MAPK10: variants seen among roughly 807,000 people sequenced by gnomAD.
The protein encoded by MAPK10 is JNK3 alpha protein kinase.
MAPK10 carries 25 observed loss-of-function variants against 59.3 expected under a neutral mutation model. That is an observed-to-expected ratio of 0.42 (90% CI 0.31 to 0.59). The LOEUF is 0.59. Among genes scored for constraint, MAPK10 ranks in the 20% least tolerant of loss-of-function variants. The pLI is 0.15. For missense variants in MAPK10, 351 were observed against 568.9 expected, an observed-to-expected ratio of 0.62 and a Z score of 3.90; for synonymous variants, 190 against 200.5, an observed-to-expected ratio of 0.95 and a Z score of 0.44.
chr4:86,185,505 C>CA (rs767655948), intron 3 of MAPK10, among the ~76,000 whole-genome samples: 1 of 152,072 alleles, frequency 6.6e-6, no homozygotes, highest in Non-Finnish European at 1.5e-5. Context: ...GATAGGAAGA[C>CA]ATTGAAAGGT....
intron 2 of MAPK10, among the ~76,000 whole-genome samples, chr4:86,255,002 T>C (rs2093643029): frequency 6.6e-6 from 1 of 152,046 alleles, no homozygotes; most frequent in African/African-American, 2.4e-5. Context: ...ATCACCAAGG[T>C]AACTAATCTG....
At chr4:86,071,420 T>G (rs1292942876) in intron 9 of MAPK10, among the ~76,000 whole-genome samples, 12 of 127,908 alleles carry the variant, frequency 9.4e-5, no homozygotes, top group South Asian at 2.4e-4. Flanking sequence ...GTCAATTTTG[T>G]CTTTTGTTGC....
At chr4:86,235,793 G>A (rs1202842113) in intron 2 of MAPK10, among the ~76,000 whole-genome samples, 1 of 152,094 alleles carries the variant, frequency 6.6e-6, no homozygotes, top group African/African-American at 2.4e-5. Context: ...AGTGTGCTGA[G>A]GAGAAGCTTC....
intron 1 of MAPK10, among the ~76,000 whole-genome samples, chr4:86,528,528 A>G (rs1425424500): frequency 6.6e-6 from 1 of 152,196 alleles, no homozygotes; most frequent in African/African-American, 2.4e-5. Flanking sequence ...AACATACAAT[A>G]TTTTGAGGGG....
At chr4:86,273,605 T>C (rs1383303269) in intron 2 of MAPK10, among the ~76,000 whole-genome samples, 1 of 151,992 alleles carries the variant, frequency 6.6e-6, no homozygotes, top group Non-Finnish European at 1.5e-5. Flanking sequence ...GCTTTTTTAT[T>C]CCACTTCTCT....
intron 3 of MAPK10, 106 bp from the exon 4 acceptor site, chr4:86,159,573 T>C: frequency 1.2e-6 from 1 of 857,586 alleles, no homozygotes; most frequent in Non-Finnish European, 1.8e-6. Flanking sequence ...CTTAGCCATC[T>C]ATCATCTAGT....
At chr4:86,453,798 A>G (rs1750993987), upstream of MAPK10, among the ~76,000 whole-genome samples, 2 of 152,120 alleles carry the variant, frequency 1.3e-5, no homozygotes, top group Admixed American at 1.3e-4. Context: ...TCCCGGCAGG[A>G]GGCCAACCAG....
intron 1 of MAPK10, among the ~76,000 whole-genome samples, chr4:86,537,910 T>C (rs74681655): frequency 0.047 from 7,118 of 152,262 alleles, 219 homozygotes; most frequent in African/African-American, 0.059. Flanking sequence ...ACCCCTCTTT[T>C]GTAAAGATAG....
intron 2 of MAPK10, among the ~76,000 whole-genome samples, chr4:86,222,436 T>A (rs1318350046): frequency 6.6e-6 from 1 of 152,140 alleles, no homozygotes; most frequent in African/African-American, 2.4e-5. Flanking sequence ...CCCCAGTGAC[T>A]GTGCAATGCA....
At chr4:86,269,503 G>C (rs1199396543) in intron 2 of MAPK10, among the ~76,000 whole-genome samples, 2 of 152,072 alleles carry the variant, frequency 1.3e-5, no homozygotes, top group African/African-American at 2.4e-5. Flanking sequence ...GTGCTTGAGT[G>C]CCTACCAGAA....
intron 2 of MAPK10, among the ~76,000 whole-genome samples, chr4:86,214,936 A>C (rs1166324069): frequency 6.6e-6 from 1 of 152,184 alleles, no homozygotes; most frequent in African/African-American, 2.4e-5. Context: ...ATGAAGTCTC[A>C]AGGAGACTTA....
intron 3 of MAPK10, among the ~76,000 whole-genome samples, chr4:86,166,215 G>T (rs1484688174): frequency 6.6e-6 from 1 of 152,194 alleles, no homozygotes; most frequent in East Asian, 1.9e-4. Context: ...ACTCTAGACT[G>T]AGAACTTTAG....
rs1181274755 is a variant in MAPK10 at position 86,011,741 on chromosome 4, T to G, written c.*5487A>C. ...CCAGAGATAACAAAAAGCTGTTGCT[T>G]TCTATATTCCAACAGGAACTAGGTA... On this transcript the variant is annotated 3_prime_UTR_variant, in exon 14 of 14. Transcript: ENST00000641462. The G allele has an allele frequency of 6.6e-6, 1 of 152,204 alleles. No homozygotes were observed. Among genetic ancestry groups the G allele is most frequent in the Non-Finnish European group, 1.5e-5 (1 of 68,040 alleles). 9.4% of individuals were successfully genotyped at this position (152,204 alleles called of 1,614,324 possible).
chr4:86,120,704 C>CCATT (rs1472090754), intron 4 of MAPK10: 1 of 152,132 alleles, frequency 6.6e-6, no homozygotes, highest in Non-Finnish European at 1.5e-5. Flanking sequence ...ATTCAATGGA[C>CCATT]CATTCATATA....
intron 1 of MAPK10, among the ~76,000 whole-genome samples, chr4:86,592,064 G>A (rs1578203239): frequency 1.3e-5 from 2 of 151,962 alleles, no homozygotes; most frequent in South Asian, 4.2e-4. Context: ...TTCCTCCTTT[G>A]ACTTACTAAT....
In MAPK10 at chr4:86,107,225, T is replaced by A. The variant is rs756256876; in HGVS notation, c.364A>T (p.Asn122Tyr). Residue 122 changes from asparagine to tyrosine, a missense_variant and splice_region_variant, in exon 5 of 14, where the codon AAC (asparagine) becomes TAC (tyrosine). Asn to Tyr is a moderately radical substitution (Grantham distance 143). Around this residue, in one of 5 missense-constraint regions of MAPK10, gnomAD observed 51 missense variants for 72.7 expected, o/e 0.70. Coordinates refer to ENST00000641462, the MANE Select transcript of MAPK10 (RefSeq NM_138982.4). ...AGTTTAAAAATAACAAAACTCACGT[T>A]TTTATGGTTCACACACTTCATGAGG... ...LVLMKCVNHK[N>Y]IISLLNVFTP... The A allele has an allele frequency of 3.1e-6, 5 of 1,607,006 alleles. No individual in the cohort carries two copies. The highest frequency in any genetic ancestry group is 4.2e-6 in the Non-Finnish European group (5 of 1,177,688).
intron 1 of MAPK10, among the ~76,000 whole-genome samples, chr4:86,517,221 G>C (rs1320227774): frequency 2.0e-5 from 3 of 148,704 alleles, no homozygotes; most frequent in African/African-American, 7.4e-5. Context: ...TTATTGACTT[G>C]AATACCTGAA....
At position 86,010,602 on chromosome 4, in the gene MAPK10, G is replaced by A. The variant is rs1424823978; in HGVS notation, c.*6626C>T. 2 of 152,134 alleles carry A rather than the reference G, an allele frequency of 1.3e-5. No individual in the cohort carries two copies. Among genetic ancestry groups the A allele is most frequent in the African/African-American group, 4.8e-5 (2 of 41,420 alleles). The allele number at this position is 152,134 out of a possible 1,614,324, so 9.4% of individuals were successfully genotyped here. Reference sequence around the variant, plus strand: ...TTTACACCAAATCCAAGTTCGCAATGTATTAACATGAAGGAATAGGCCATT... The same window carrying A: ...TTTACACCAAATCCAAGTTCGCAATATATTAACATGAAGGAATAGGCCATT... On this transcript the variant is annotated 3_prime_UTR_variant, in exon 14 of 14. Transcript: ENST00000641462.
intron 3 of MAPK10, among the ~76,000 whole-genome samples, chr4:86,171,731 T>C (rs1388968759): frequency 6.6e-6 from 1 of 151,454 alleles, no homozygotes; most frequent in Non-Finnish European, 1.5e-5. Flanking sequence ...ACAAATGGGA[T>C]CTAATTAAAC....
Sources: gnomAD v4.1 joint callset for allele counts (sites outside exome capture counted in the v4.1 genomes callset) on GRCh38, gnomAD v4.1.1 for gene constraint, gnomAD v4.1.1 regional missense constraint, MANE v1.5 for transcripts, NCBI Gene and HGNC (gene_info 2026-07-23, HGNC 2026-07-21) for gene names.